Variants in VPS50 observed in about 807,000 individuals in gnomAD.
VPS50 encodes the protein VPS50 subunit of EARP/GARPII complex, also known as syndetin.
In VPS50, 70 loss-of-function variants were observed where a neutral mutation model predicts 139.7. The ratio of observed to expected loss-of-function variants is 0.50; its 90% confidence interval spans 0.41 to 0.61. The LOEUF (loss-of-function observed/expected upper bound fraction) is 0.61, where lower values mean the gene tolerates loss of function less well. Among genes scored for constraint, VPS50 ranks in the 20% least tolerant of loss-of-function variants. The pLI is 0.00. For missense variants in VPS50, 921 were observed against 1,133.7 expected, an observed-to-expected ratio of 0.81 and a Z score of 2.69; for synonymous variants, 365 against 376.7, an observed-to-expected ratio of 0.97 and a Z score of 0.36.
intron 18 of VPS50, among the ~76,000 whole-genome samples, chr7:93,308,606 G>A (rs770363305): frequency 1.3e-5 from 2 of 151,896 alleles, no homozygotes; most frequent in African/African-American, 2.4e-5. Flanking sequence ...ACATTTTCAA[G>A]CTTTTATAGG....
intron 2 of VPS50, among the ~76,000 whole-genome samples, chr7:93,243,463 G>C (rs1182636266): frequency 6.6e-6 from 1 of 151,898 alleles, no homozygotes; most frequent in Non-Finnish European, 1.5e-5. Flanking sequence ...CTCAAGAATG[G>C]AGCAACAGGA....
chr7:93,332,451 T>G (rs977308635), intron 21 of VPS50, among the ~76,000 whole-genome samples: 2 of 152,200 alleles, frequency 1.3e-5, no homozygotes, highest in African/African-American at 4.8e-5. Flanking sequence ...AACATGCATT[T>G]TGAGGGAAAA....
intron 4 of VPS50, among the ~76,000 whole-genome samples, chr7:93,256,252 A>G (rs920759059): frequency 2.0e-5 from 3 of 152,200 alleles, no homozygotes; most frequent in Admixed American, 6.5e-5. Context: ...AATGATACAC[A>G]TATTATTAAC....
At chr7:93,241,559 G>GT (rs1404228140) in intron 2 of VPS50, among the ~76,000 whole-genome samples, 1 of 152,058 alleles carries the variant, frequency 6.6e-6, no homozygotes, top group Non-Finnish European at 1.5e-5. Flanking sequence ...CTGCCTGTTT[G>GT]TTTTTTCTGT....
intron 8 of VPS50, 41 bp downstream of exon 8, chr7:93,258,433 T>C (rs573596063): frequency 5.4e-6 from 8 of 1,478,174 alleles, no homozygotes; most frequent in South Asian, 3.5e-5. Context: ...CCTACTGATA[T>C]ATAGAAACAG....
At chr7:93,243,552 T>A (rs1281104929) in intron 2 of VPS50, among the ~76,000 whole-genome samples, 1 of 151,988 alleles carries the variant, frequency 6.6e-6, no homozygotes, top group Non-Finnish European at 1.5e-5. Flanking sequence ...GACCTAAAAT[T>A]TCATTCTTCG....
intron 12 of VPS50, among the ~76,000 whole-genome samples, chr7:93,286,409 A>G (rs552862824): frequency 2.0e-5 from 3 of 152,134 alleles, no homozygotes; most frequent in Admixed American, 1.3e-4. Flanking sequence ...AATGTTAGGT[A>G]TTTAGTAATA....
intron 22 of VPS50, among the ~76,000 whole-genome samples, chr7:93,336,303 A>T (rs1252050217): frequency 6.6e-6 from 1 of 152,218 alleles, no homozygotes; most frequent in African/African-American, 2.4e-5. Context: ...TTGTGGTCTT[A>T]AAAGTGCCAC....
intron 12 of VPS50, among the ~76,000 whole-genome samples, chr7:93,286,273 A>G (rs1024543340): frequency 6.6e-6 from 1 of 152,190 alleles, no homozygotes; most frequent in Non-Finnish European, 1.5e-5. Context: ...GATTCAATCA[A>G]TACTTTCATT....
chr7:93,341,131 T>C (rs1048645882), intron 22 of VPS50, among the ~76,000 whole-genome samples: 1 of 152,218 alleles, frequency 6.6e-6, no homozygotes, highest in Non-Finnish European at 1.5e-5. Context: ...CATCTCACTG[T>C]TGTCACTGTG....
In VPS50 at chr7:93,361,001, C is replaced by T. The variant is rs1005638362; in HGVS notation, c.*2565C>T. ...TTCGAAATTTCTATTTAGCTGAGTG[C>T]TAAAGTGAAACTTTGTTAGATTAAA... On this transcript the variant is annotated 3_prime_UTR_variant, in exon 28 of 28. Transcript: ENST00000305866. 2 of 151,774 alleles carry T rather than the reference C, an allele frequency of 1.3e-5. No individual in the cohort carries two copies. Among genetic ancestry groups the T allele is most frequent in the African/African-American group, 2.4e-5 (1 of 41,350 alleles). The allele number at this position is 151,774 out of a possible 1,614,324, so 9.4% of individuals were successfully genotyped here. A position where few individuals can be genotyped will look rare whatever the true frequency, so the allele number is the denominator to read the frequency against.
At chr7:93,237,358 T>C (rs1256164748) in intron 1 of VPS50, among the ~76,000 whole-genome samples, 1 of 152,166 alleles carries the variant, frequency 6.6e-6, no homozygotes, top group Non-Finnish European at 1.5e-5. Context: ...GGATACAAAC[T>C]CAAGTGGTCT....
intron 12 of VPS50, among the ~76,000 whole-genome samples, chr7:93,289,016 C>T (rs541901045): frequency 3.3e-4 from 50 of 151,778 alleles, no homozygotes; most frequent in Admixed American, 1.4e-3. Context: ...TTTTTCAGGC[C>T]GGCATTGTAA....
At chr7:93,340,711 A>G (rs1478252460) in intron 22 of VPS50, 1 of 152,244 alleles carries the variant, frequency 6.6e-6, no homozygotes, top group Non-Finnish European at 1.5e-5. Flanking sequence ...TCTAATGAGT[A>G]TATCATCAGA....
Position 93,297,341 on chromosome 7 carries a change from A to G in VPS50, c.1361+98A>G. ...TAGCATTAATTGATTTTAAACAATT[A>G]CTTTTGAATTTGAATGTGTTGTAGC... On this transcript the variant is annotated intron_variant, in intron 16 of 27. Coordinates refer to ENST00000305866, the MANE Select transcript of VPS50 (RefSeq NM_017667.4). 4 of 1,238,414 alleles carry G rather than the reference A, an allele frequency of 3.2e-6. No individual in the cohort carries two copies. In the Admixed American group the frequency reaches 1.6e-4, roughly 51 times the overall value. The allele number at this position is 1,238,414 out of a possible 1,614,324, so 76.7% of individuals were successfully genotyped here. A position where few individuals can be genotyped will look rare whatever the true frequency, so the allele number is the denominator to read the frequency against.
intron 9 of VPS50, among the ~76,000 whole-genome samples, chr7:93,267,497 T>C (rs972421139): frequency 2.0e-5 from 3 of 152,196 alleles, no homozygotes; most frequent in Non-Finnish European, 4.4e-5. Context: ...ACTTAGAATA[T>C]TTATTACCTG....
At chr7:93,261,948 T>C in intron 9 of VPS50, among the ~76,000 whole-genome samples, 1 of 152,212 alleles carries the variant, frequency 6.6e-6, no homozygotes, top group Non-Finnish European at 1.5e-5. Flanking sequence ...AAGTCATAGT[T>C]GACCTTTTGG....
At chr7:93,276,046 T>C in intron 11 of VPS50, 119 bp from the exon 12 acceptor site, 2 of 947,240 alleles carry the variant, frequency 2.1e-6, no homozygotes, top group Non-Finnish European at 3.1e-6. Flanking sequence ...CTGGGAAAAC[T>C]ATTATCTTTG....
intron 17 of VPS50, among the ~76,000 whole-genome samples, chr7:93,303,794 A>G (rs1389769322): frequency 1.3e-5 from 2 of 151,684 alleles, no homozygotes; most frequent in Non-Finnish European, 3.0e-5. Flanking sequence ...TCTTTTGCCT[A>G]AAAAGAGTTA....
Sources: allele counts gnomAD v4.1 joint callset (sites outside exome capture counted in the v4.1 genomes callset), GRCh38; gene constraint gnomAD v4.1.1; transcripts MANE v1.5; gene names NCBI Gene and HGNC (gene_info 2026-07-23, HGNC 2026-07-21).